Variants in DHRS7 observed in about 807,000 individuals in gnomAD.
The protein encoded by DHRS7 is dehydrogenase/reductase SDR family member 7.
DHRS7 carries 34 observed loss-of-function variants against 38.9 expected under a neutral mutation model. The observed-to-expected ratio is 0.87, with a 90% CI of 0.66 to 1.16. The LOEUF (loss-of-function observed/expected upper bound fraction) is 1.16. Ranked by LOEUF, DHRS7 falls within the 50% of genes most tolerant of loss-of-function variation. The pLI is 0.00. For synonymous variants in DHRS7, 158 were observed against 153.1 expected (o/e 1.03, Z -0.24); for missense variants, 421 against 407.0 (o/e 1.03, Z -0.30).
rs529263631 is a variant in DHRS7, at chr14:60,148,314, A to G, written c.972+1039T>C. ...TGTCAATCCCCATTGATTAATTTCT[A>G]AAAGAAGGTGGTAACAAAGTATATC... is the stretch of plus-strand genomic sequence containing the variant. On this transcript the variant is annotated intron_variant, in intron 6 of 6. Transcript: ENST00000557185. The surrounding 1 kb of genome is among the most constrained non-coding windows in gnomAD (Gnocchi z 4.8). 7 of 152,292 alleles carry G rather than the reference A, an allele frequency of 4.6e-5. No homozygotes were observed. Among genetic ancestry groups the G allele is most frequent in the Non-Finnish European group, 8.8e-5 (6 of 68,018 alleles). 9.4% of individuals were successfully genotyped at this position (152,292 alleles called of 1,614,324 possible).
intron 1 of DHRS7, chr14:60,158,917 G>A (rs1486658681): frequency 4.4e-6 from 1 of 224,758 alleles, no homozygotes; most frequent in Admixed American, 5.6e-5. Context: ...AGTAGCAGTG[G>A]GCAGTAATCC....
rs1595200954 is a variant in DHRS7, at chr14:60,162,122, T to C, written c.133+3055A>G. On this transcript the variant is annotated intron_variant, in intron 1 of 6. Transcript: ENST00000557185. This position sits in a 1 kb window ranked among gnomAD's most constrained non-coding sequence, Gnocchi z 4.5. ...TGGGCTTGGCAGTTCACATCTGTTA[T>C]CCTAGCACTTTGAGAGGCCAAGGTG... Among the ~76,000 whole-genome samples the C allele has an allele frequency of 2.0e-5, 3 of 152,328 alleles. No individual in the cohort carries two copies. In the Middle Eastern group the frequency reaches 0.01, roughly 518 times the overall value.
chr14:60,156,226 A>AAAAG (rs3835287), intron 1 of DHRS7, 74 bp from the exon 2 acceptor site: 221,836 of 1,313,514 alleles, frequency 0.17, 25,532 homozygotes, highest in African/African-American at 0.53. Context: ...TTAGAAAAAA[A>AAAAG]AAAGAAAGCC....
At chr14:60,169,157 A>AAAAAAAAAAAAAAAC (rs1566539386), upstream of DHRS7, 18 of 150,216 alleles carry the variant, frequency 1.2e-4, no homozygotes, top group East Asian at 4.4e-4. Context: ...AAAAAAAAAA[A>AAAAAAAAAAAAAAAC]AAAACCATTG....
Position 60,162,497 on chromosome 14 carries a change from A to C in DHRS7, c.133+2680T>G, listed in dbSNP as rs750832699. The stretch of plus-strand genomic sequence containing the variant: ...CTCGAGAGAAGCACACTAGGTAGCT[A>C]GGGCACAAGGGTCAGAGAAAGCTCT... On this transcript the variant is annotated intron_variant, in intron 1 of 6. Coordinates refer to ENST00000557185, the MANE Select transcript of DHRS7 (RefSeq NM_016029.4). The surrounding 1 kb of genome is among the most constrained non-coding windows in gnomAD (Gnocchi z 4.5). 2.0e-5 allele frequency among the ~76,000 whole-genome samples: 3 copies of C among 152,224 alleles called. No homozygotes were observed. Among genetic ancestry groups the C allele is most frequent in the Non-Finnish European group, 4.4e-5 (3 of 68,040 alleles).
rs1896577846 is a variant in DHRS7 at position 60,152,988 on chromosome 14, A to G, written c.584T>C (p.Ile195Thr). The G allele has an allele frequency of 6.2e-7, 1 of 1,614,160 alleles. No homozygotes were observed. The highest frequency in any genetic ancestry group is 1.7e-5 in the Admixed American group (1 of 60,024). ...IVTVNSILGI[I>T]SVPLSIGYCA... The stretch of plus-strand genomic sequence containing the variant: ...GTATCCAATGGAAAGAGGTACAGAT[A>G]TGATACCCAGGATGCTATTCACAGT... Residue 195 changes from isoleucine (I) to threonine (T), a missense_variant, in exon 4 of 7, where the codon ATA (isoleucine) becomes ACA (threonine). Ile to Thr is a moderately conservative substitution (Grantham distance 89). Coordinates refer to ENST00000557185, the MANE Select transcript of DHRS7 (RefSeq NM_016029.4).
chr14:60,145,097 A>G lies in DHRS7; in HGVS notation c.973-84T>C. 1 of 905,898 alleles carries G rather than the reference A, an allele frequency of 1.1e-6. No homozygotes were observed. Among genetic ancestry groups the G allele is most frequent in the Non-Finnish European group, 1.6e-6 (1 of 621,898 alleles). The allele number at this position is 905,898 out of a possible 1,614,324, so 56.1% of individuals were successfully genotyped here. On this transcript the variant is annotated intron_variant, in intron 6 of 6. Transcript: ENST00000557185. This position sits in a 1 kb window ranked among gnomAD's most constrained non-coding sequence, Gnocchi z 4.0. ...ACATTTAAGTCCTTCTGTTTTGAGGAGCTGTATCATTATGATTCACTATTA... is the reference window on the plus strand; with the variant it reads ...ACATTTAAGTCCTTCTGTTTTGAGGGGCTGTATCATTATGATTCACTATTA...
chr14:60,152,327 T>C (rs2140595854), intron 4 of DHRS7, among the ~76,000 whole-genome samples: 1 of 152,338 alleles, frequency 6.6e-6, no homozygotes, highest in South Asian at 2.1e-4. Flanking sequence ...CAAATCAAGC[T>C]TCTCTCCTTG....
chr14:60,147,462 A>G (rs995293838), intron 6 of DHRS7: 1 of 152,214 alleles, frequency 6.6e-6, no homozygotes, highest in African/African-American at 2.4e-5. Context: ...TTTACAGTGT[A>G]TATTAGATCA....
upstream of DHRS7, among the ~76,000 whole-genome samples, chr14:60,168,311 C>T (rs1475090616): frequency 6.6e-6 from 1 of 152,154 alleles, no homozygotes. Context: ...CCCTTAAATG[C>T]TCTGTTTCAA....
chr14:60,145,224 T>G lies in DHRS7; in HGVS notation c.973-211A>C. On this transcript the variant is annotated intron_variant, in intron 6 of 6. Transcript: ENST00000557185. The surrounding 1 kb of genome is among the most constrained non-coding windows in gnomAD (Gnocchi z 4.0). ...AGTACTTCTAATGAGTTTAGCATCA[T>G]CTCTGGTTTAGAGGAGGTATAAATA... 1 of 406,292 alleles carries G rather than the reference T, an allele frequency of 2.5e-6. No individual in the cohort carries two copies. Among genetic ancestry groups the G allele is most frequent in the East Asian group, 4.0e-5 (1 of 25,298 alleles). The allele number at this position is 406,292 out of a possible 1,614,324, so 25.2% of individuals were successfully genotyped here.
rs189331111 is a variant in DHRS7 at position 60,161,551 on chromosome 14, A to G, written c.133+3626T>C. Among the ~76,000 whole-genome samples, 1 of 152,224 alleles carries G rather than the reference A, an allele frequency of 6.6e-6. No homozygotes were observed. Among genetic ancestry groups the G allele is most frequent in the Non-Finnish European group, 1.5e-5 (1 of 67,990 alleles). On this transcript the variant is annotated intron_variant, in intron 1 of 6. Transcript: ENST00000557185. This position sits in a 1 kb window ranked among gnomAD's most constrained non-coding sequence, Gnocchi z 4.2. ...ACCTTCTCTAAGGCTAAATAAACCT[A>G]TCCAATTTCTGCCACCTTCCCTCAC...
intron 1 of DHRS7, among the ~76,000 whole-genome samples, chr14:60,156,662 G>C (rs903146027): frequency 2.1e-4 from 32 of 152,110 alleles, no homozygotes; most frequent in African/African-American, 7.5e-4. Context: ...AATATACCAA[G>C]TTCTGTGCTG....
rs1896487346 is a variant in DHRS7, at chr14:60,149,464, T to G, written c.861A>C (p.Ser287=). 1.2e-6 allele frequency: 2 copies of G among 1,614,152 alleles called. No individual in the cohort carries two copies. The highest frequency in any genetic ancestry group is 4.5e-5 in the East Asian group (2 of 44,886). The change falls in exon 6 of 7, where the codon TCA becomes TCC. Residue 287 remains serine (S), a synonymous_variant. Coordinates refer to ENST00000557185, the MANE Select transcript of DHRS7 (RefSeq NM_016029.4). The part of the protein sequence containing the change: ...MANDLKEVWI[S]EQPFLLVTYL... ...ATGTTACTAACAAGAAAGGTTGTTC[T>G]GAGATCCAAACTTCTTTCAAATCAT...
chr14:60,160,602 G>A (rs1440882527), intron 1 of DHRS7, among the ~76,000 whole-genome samples: 1 of 151,770 alleles, frequency 6.6e-6, no homozygotes, highest in Non-Finnish European at 1.5e-5. Context: ...ACGGGGGGAG[G>A]GGACAAGGCC....
At chr14:60,169,682 A>G (rs1359003413), upstream of DHRS7, 1 of 152,254 alleles carries the variant, frequency 6.6e-6, no homozygotes, top group African/African-American at 2.4e-5. Flanking sequence ...CTGTCACTGT[A>G]TGGAAACACC....
chr14:60,156,308 CCTT>C (rs1012836590), intron 1 of DHRS7, among the ~76,000 whole-genome samples, 156 bp from the exon 2 acceptor site: 4 of 151,348 alleles, frequency 2.6e-5, no homozygotes, highest in Non-Finnish European at 4.4e-5. Flanking sequence ...GAAAGCATCT[CCTT>C]CTTAACTAAA....
intron 1 of DHRS7, among the ~76,000 whole-genome samples, chr14:60,164,264 C>CT (rs1896822573): frequency 1.1e-5 from 1 of 89,404 alleles, no homozygotes; most frequent in African/African-American, 5.9e-5. Context: ...ACCCATAACG[C>CT]CCCCCCCAAA....
At chr14:60,155,734 C>T (rs924029006) in intron 2 of DHRS7, 5 of 269,312 alleles carry the variant, frequency 1.9e-5, no homozygotes, top group Non-Finnish European at 3.4e-5. Flanking sequence ...GATACTTGGT[C>T]ACTAAAAATC....
Sources: allele counts gnomAD v4.1 joint callset (sites outside exome capture counted in the v4.1 genomes callset), GRCh38; gene constraint gnomAD v4.1.1; non-coding constraint Gnocchi (gnomAD v3.1); transcripts MANE v1.5; gene names NCBI Gene and HGNC (gene_info 2026-07-23, HGNC 2026-07-21).